The following DTD1 variants were observed in gnomAD, a reference collection of about 807,000 sequenced individuals.
The protein encoded by DTD1 is D-tyrosyl-tRNA deacylase 1 homolog.
DTD1 carries 13 observed loss-of-function variants against 25.6 expected under a neutral mutation model. The observed-to-expected ratio is 0.51, with a 90% CI of 0.33 to 0.81. The LOEUF is 0.81. Among genes scored for constraint, DTD1 ranks in the 30% least tolerant of loss-of-function variants. DTD1 has a pLI of 0.02. For missense variants in DTD1, 193 were observed against 266.4 expected, an observed-to-expected ratio of 0.72 and a Z score of 1.92; for synonymous variants, 110 against 103.6, an observed-to-expected ratio of 1.06 and a Z score of -0.37.
chr20:18,708,461 T>C (rs2061144990), intron 4 of DTD1, among the ~76,000 whole-genome samples: 1 of 146,388 alleles, frequency 6.8e-6, no homozygotes, highest in African/African-American at 2.5e-5. Context: ...GTTCAAGCGA[T>C]TCTCGTGCCT....
intron 3 of DTD1, among the ~76,000 whole-genome samples, chr20:18,607,936 A>G (rs1019694562): frequency 1.3e-5 from 2 of 150,614 alleles, no homozygotes; most frequent in African/African-American, 4.9e-5. Context: ...CTGGTCTCAA[A>G]CTCCTGACCT....
chr20:18,593,751 G>A lies in DTD1; in HGVS notation c.64G>A (p.Ala22Thr). ...TCTAGTTGGAGGAGAGCAGATTAGT[G>A]CCATTGGAAGGGGCATATGTGTGTT... is the stretch of plus-strand genomic sequence containing the variant. ...SVTVGGEQIS[A>T]IGRGICVLLG... Residue 22 changes from alanine (A) to threonine (T), a missense_variant, in exon 2 of 6, where the codon GCC (alanine) becomes ACC (threonine). Transcript: ENST00000377452. The A allele has an allele frequency of 5.0e-6, 8 of 1,613,978 alleles. No homozygotes were observed. Among genetic ancestry groups the A allele is most frequent in the Non-Finnish European group, 6.8e-6 (8 of 1,179,894 alleles).
rs962047116 is a variant in DTD1, at chr20:18,744,197, A to C, written c.575A>C (p.Asp192Ala). 4 of 1,612,300 alleles carry C rather than the reference A, an allele frequency of 2.5e-6. No individual in the cohort carries two copies. Among genetic ancestry groups the C allele is most frequent in the Non-Finnish European group, 2.5e-6 (3 of 1,180,032 alleles). ...SKERNTPRKE[D>A]RSASSGAEGD... ...GAAAGAAACACTCCCCGAAAAGAAGACCGCAGTGCCAGCAGCGGGGCTGAG... is the reference window on the plus strand; with the variant it reads ...GAAAGAAACACTCCCCGAAAAGAAGCCCGCAGTGCCAGCAGCGGGGCTGAG... The change falls in exon 5 of 6, where the codon GAC becomes GCC. Residue 192 changes from aspartate to alanine, a missense_variant. Transcript: ENST00000377452.
chr20:18,738,659 C>T (rs2061265948), intron 4 of DTD1, among the ~76,000 whole-genome samples: 1 of 152,224 alleles, frequency 6.6e-6, no homozygotes, highest in Admixed American at 6.5e-5. Flanking sequence ...GCAGTCCCCT[C>T]AGGTCTTGTT....
chr20:18,637,897 A>G (rs2060813489), intron 4 of DTD1, among the ~76,000 whole-genome samples: 1 of 152,156 alleles, frequency 6.6e-6, no homozygotes, highest in Admixed American at 6.5e-5. Flanking sequence ...GTCTCTGCTC[A>G]TCCACCTGAA....
intron 4 of DTD1, among the ~76,000 whole-genome samples, chr20:18,648,068 T>C (rs1254745808): frequency 6.6e-6 from 1 of 152,218 alleles, no homozygotes; most frequent in Non-Finnish European, 1.5e-5. Context: ...TCTTTGGTGC[T>C]GATAATCTCC....
chr20:18,721,524 A>G (rs2061203552), intron 4 of DTD1, among the ~76,000 whole-genome samples: 2 of 152,056 alleles, frequency 1.3e-5, no homozygotes, highest in South Asian at 2.1e-4. Context: ...TTTTTGTTCT[A>G]TTACTATCTA....
At chr20:18,684,303 TTGAGA>T (rs2061008434) in intron 4 of DTD1, among the ~76,000 whole-genome samples, 1 of 152,064 alleles carries the variant, frequency 6.6e-6, no homozygotes, top group African/African-American at 2.4e-5. Flanking sequence ...TTTTTTTTTC[TTGAGA>T]TGGAGTCTCA....
At chr20:18,686,178 A>T (rs747628038) in intron 4 of DTD1, among the ~76,000 whole-genome samples, 1 of 152,258 alleles carries the variant, frequency 6.6e-6, no homozygotes, top group Non-Finnish European at 1.5e-5. Flanking sequence ...TAGAATATCC[A>T]CCATAGTTTG....
At chr20:18,733,568 G>A (rs1382388053) in intron 4 of DTD1, among the ~76,000 whole-genome samples, 2 of 152,240 alleles carry the variant, frequency 1.3e-5, no homozygotes, top group Non-Finnish European at 2.9e-5. Context: ...GAAGGCTGGA[G>A]GTGTTCCACC....
chr20:18,691,590 G>A (rs2061047667), intron 4 of DTD1, among the ~76,000 whole-genome samples: 1 of 152,176 alleles, frequency 6.6e-6, no homozygotes, highest in Admixed American at 6.5e-5. Flanking sequence ...GATGGGAACA[G>A]CAGACACTGG....
At chr20:18,716,356 G>C (rs939606319) in intron 4 of DTD1, among the ~76,000 whole-genome samples, 1 of 152,210 alleles carries the variant, frequency 6.6e-6, no homozygotes, top group African/African-American at 2.4e-5. Context: ...TTTGTGGCAC[G>C]TGGGGTCTGA....
intron 3 of DTD1, among the ~76,000 whole-genome samples, chr20:18,613,142 G>A (rs1236190490): frequency 6.6e-6 from 1 of 152,134 alleles, no homozygotes; most frequent in Admixed American, 6.5e-5. Context: ...TTTTAGTCCT[G>A]TTTCTGCTGG....
intron 4 of DTD1, among the ~76,000 whole-genome samples, chr20:18,725,143 T>G (rs976199110): frequency 6.6e-6 from 1 of 152,250 alleles, no homozygotes; most frequent in African/African-American, 2.4e-5. Context: ...GCAGTCATAT[T>G]TATACTCACT....
chr20:18,684,557 G>A lies in DTD1; in HGVS notation c.477+56324G>A, dbSNP rs144939093. On this transcript the variant is annotated intron_variant, in intron 4 of 5. Transcript: ENST00000377452. ...CAGCGTAGGCCTCCCAAAGTGCTGG[G>A]ATTACAGGTGTGAGCCCCCACACCT... Among the ~76,000 whole-genome samples, 25 of 152,216 alleles carry A rather than the reference G, an allele frequency of 1.6e-4. No individual in the cohort carries two copies. The East Asian group carries it at 4.3e-3, about 26-fold the overall frequency.
intron 3 of DTD1, among the ~76,000 whole-genome samples, chr20:18,612,331 G>A (rs1162624674): frequency 1.3e-5 from 2 of 152,048 alleles, no homozygotes; most frequent in Non-Finnish European, 2.9e-5. Context: ...ACCGCGCCTG[G>A]CCCACACATG....
At chr20:18,593,927 T>A in intron 2 of DTD1, 106 bp downstream of exon 2, 2 of 830,712 alleles carry the variant, frequency 2.4e-6, no homozygotes, top group Non-Finnish European at 4.0e-6. Context: ...CTGTCACTTT[T>A]AACCATTGTC....
At chr20:18,715,865 G>T (rs1344406170) in intron 4 of DTD1, among the ~76,000 whole-genome samples, 1 of 152,116 alleles carries the variant, frequency 6.6e-6, no homozygotes, top group East Asian at 1.9e-4. Flanking sequence ...GGGAGGAGTC[G>T]GGTGCTGAGT....
Position 18,744,280 on chromosome 20 carries a change from T to C in DTD1, c.*19+9T>C. 1 of 1,608,898 alleles carries C rather than the reference T, an allele frequency of 6.2e-7. No homozygotes were observed. The highest frequency in any genetic ancestry group is 1.3e-5 in the African/African-American group (1 of 74,752). On this transcript the variant is annotated intron_variant, in intron 5 of 5. Coordinates refer to ENST00000377452, the MANE Select transcript of DTD1 (RefSeq NM_080820.6). The stretch of plus-strand genomic sequence containing the variant: ...CAGGAGGCAGAATTCAGGTAGGAGT[T>C]TCCCTGCTTGGCTTCATCTTCCCAC...
Sources: allele counts gnomAD v4.1 joint callset (sites outside exome capture counted in the v4.1 genomes callset), GRCh38; gene constraint gnomAD v4.1.1; transcripts MANE v1.5; gene names NCBI Gene and HGNC (gene_info 2026-07-23, HGNC 2026-07-21).